RAB3GAP2: variants seen among roughly 807,000 people sequenced by gnomAD.
RAB3GAP2 encodes RAB3 GTPase activating non-catalytic protein subunit 2, also known as rab3 GTPase-activating protein non-catalytic subunit.
In RAB3GAP2, 87 loss-of-function variants were observed where a neutral mutation model predicts 185.3. That is an observed-to-expected ratio of 0.47 (90% CI 0.39 to 0.56). The LOEUF (loss-of-function observed/expected upper bound fraction) is 0.56, where lower values mean the gene tolerates loss of function less well. Ranked by LOEUF, RAB3GAP2 falls within the 20% of genes least tolerant of loss-of-function variation. RAB3GAP2 has a pLI of 0.00. For missense variants in RAB3GAP2, 1,492 were observed against 1,638.2 expected, an observed-to-expected ratio of 0.91 and a Z score of 1.54; for synonymous variants, 554 against 576.1, an observed-to-expected ratio of 0.96 and a Z score of 0.55.
Position 220,171,040 on chromosome 1 carries a change from C to CCAGTACT in RAB3GAP2, c.2651_2657dup (p.Trp886Ter), listed in dbSNP as rs1392391409. ...CCTCCAGCTGTTTCAGAAGGAGTTT[C>CCAGTACT]CAGTACTCAGTGTCAAGAGAAAGTG... is the stretch of plus-strand genomic sequence containing the variant. On this transcript the variant is annotated stop_gained and frameshift_variant, in exon 24 of 35. Transcript: ENST00000358951. LOFTEE classifies it high-confidence loss of function. 6.2e-7 allele frequency: 1 copy of CCAGTACT among 1,614,134 alleles called. No individual in the cohort carries two copies. Among genetic ancestry groups the CCAGTACT allele is most frequent in the Non-Finnish European group, 8.5e-7 (1 of 1,179,986 alleles).
intron 2 of RAB3GAP2, among the ~76,000 whole-genome samples, chr1:220,232,112 A>C (rs1003794168): frequency 6.6e-6 from 1 of 152,224 alleles, no homozygotes; most frequent in Non-Finnish European, 1.5e-5. Context: ...AATGCGTAGA[A>C]TATGGTAGGT....
rs59681037 is a variant in RAB3GAP2 at position 220,213,246 on chromosome 1, C to T, written c.305-278G>A. 0.16 allele frequency among the ~76,000 whole-genome samples: 24,730 copies of T among 152,000 alleles called. 2,310 individuals are homozygous for T. Among genetic ancestry groups the T allele is most frequent in the Admixed American group, 0.24 (3,640 of 15,266 alleles). ...GAATAAAGTTATTAACTCCTATGCC[C>T]ACCCTGCCTAGTTTAAGACTACTTT... is the stretch of plus-strand genomic sequence containing the variant. On this transcript the variant is annotated intron_variant, in intron 3 of 34. Transcript: ENST00000358951.
Position 220,195,084 on chromosome 1 carries a change from G to A in RAB3GAP2, c.1124C>T (p.Ala375Val), listed in dbSNP as rs1414496322. ...GGAAGCATGACAGACTTGCCTTACAGCTAATGGGGTAGCTGGCTCAACCTT... is the reference window on the plus strand; with the variant it reads ...GGAAGCATGACAGACTTGCCTTACAACTAATGGGGTAGCTGGCTCAACCTT... ...KPKVEPATPLAVRFGLPDSRR... is the reference protein window; with the variant it reads ...KPKVEPATPLVVRFGLPDSRR... Residue 375 changes from alanine to valine, a missense_variant, in exon 12 of 35, where the codon GCT (alanine) becomes GTT (valine). Physicochemically the swap from Ala to Val is moderately conservative, Grantham distance 64. Transcript: ENST00000358951. 1.9e-6 allele frequency: 3 copies of A among 1,613,932 alleles called. No individual in the cohort carries two copies. Among genetic ancestry groups the A allele is most frequent in the Non-Finnish European group, 2.5e-6 (3 of 1,179,944 alleles).
At chr1:220,263,924 A>G (rs1249379869) in intron 1 of RAB3GAP2, among the ~76,000 whole-genome samples, 3 of 152,232 alleles carry the variant, frequency 2.0e-5, no homozygotes, top group East Asian at 3.9e-4. Flanking sequence ...CTTGCAAAAA[A>G]TATGTAATTT....
At chr1:220,190,934 G>A (rs1658606391) in intron 14 of RAB3GAP2, 134 bp downstream of exon 14, 9 of 917,702 alleles carry the variant, frequency 9.8e-6, no homozygotes, top group Non-Finnish European at 1.4e-5. Context: ...GCACTCACAG[G>A]AAAAACCACA....
chr1:220,234,179 T>G (rs1056274766), intron 1 of RAB3GAP2, among the ~76,000 whole-genome samples: 1 of 152,182 alleles, frequency 6.6e-6, no homozygotes, highest in Non-Finnish European at 1.5e-5. Context: ...GATAGCATAC[T>G]AAAGTCCTCA....
At chr1:220,268,786 G>A (rs1237182561) in intron 1 of RAB3GAP2, among the ~76,000 whole-genome samples, 1 of 152,128 alleles carries the variant, frequency 6.6e-6, no homozygotes, top group South Asian at 2.1e-4. Context: ...AATTAATCTA[G>A]ATGTTTGGGG....
intron 16 of RAB3GAP2, 89 bp downstream of exon 16, chr1:220,189,975 A>AT: frequency 1.7e-6 from 2 of 1,182,510 alleles, no homozygotes; most frequent in Middle Eastern, 4.0e-4. Context: ...TCATCCATGC[A>AT]TTATTTTGAT....
intron 21 of RAB3GAP2, among the ~76,000 whole-genome samples, chr1:220,180,735 G>A (rs1658387964): frequency 6.6e-6 from 1 of 152,126 alleles, no homozygotes; most frequent in Non-Finnish European, 1.5e-5. Flanking sequence ...ATTCTATGAG[G>A]CCAACATTAC....
chr1:220,261,189 AT>A (rs1660129667), intron 1 of RAB3GAP2, among the ~76,000 whole-genome samples: 1 of 152,202 alleles, frequency 6.6e-6, no homozygotes, highest in Non-Finnish European at 1.5e-5. Flanking sequence ...AAAGTAATCT[AT>A]GTTCAAGGGA....
At chr1:220,193,583 T>C (rs1204980661) in intron 12 of RAB3GAP2, among the ~76,000 whole-genome samples, 1 of 152,204 alleles carries the variant, frequency 6.6e-6, no homozygotes, top group East Asian at 1.9e-4. Flanking sequence ...CACAGTCCTA[T>C]GTAGGTTTTC....
rs528180475 is a variant in RAB3GAP2, at chr1:220,158,831, G to C, written c.3261+555C>G. Among the ~76,000 whole-genome samples the C allele has an allele frequency of 7.2e-5, 11 of 152,178 alleles. No homozygotes were observed. In the East Asian group the frequency reaches 9.7e-4, roughly 13 times the overall value. On this transcript the variant is annotated intron_variant, in intron 29 of 34. Coordinates refer to ENST00000358951, the MANE Select transcript of RAB3GAP2 (RefSeq NM_012414.4). This position sits in a 1 kb window ranked among gnomAD's most constrained non-coding sequence, Gnocchi z 4.3. ...TTTGTGGGTACATGCACACACACAT[G>C]CATGCACACACACGTACACACTCTA...
chr1:220,258,557 C>T (rs1660078736), intron 1 of RAB3GAP2, among the ~76,000 whole-genome samples: 1 of 152,172 alleles, frequency 6.6e-6, no homozygotes. Flanking sequence ...TAAAAACTCT[C>T]AATAAACTAG....
intron 1 of RAB3GAP2, among the ~76,000 whole-genome samples, chr1:220,239,544 T>A (rs192090015): frequency 1.2e-3 from 190 of 152,350 alleles, no homozygotes; most frequent in African/African-American, 4.4e-3. Flanking sequence ...AAATAACTTT[T>A]GTATGTAACA....
rs1452992944 is a variant in RAB3GAP2 at position 220,150,979 on chromosome 1, C to T, written c.*272G>A. ...ATAGCAAAGTTTAACAATAAAGCTA[C>T]TTAAGTGTTTGAATTAGAAATAAAC... On this transcript the variant is annotated 3_prime_UTR_variant, in exon 35 of 35. Transcript: ENST00000358951. 5.0e-6 allele frequency: 2 copies of T among 399,052 alleles called. No individual in the cohort carries two copies. Among genetic ancestry groups the T allele is most frequent in the Non-Finnish European group, 8.9e-6 (2 of 223,998 alleles). The allele number at this position is 399,052 out of a possible 1,614,324, so 24.7% of individuals were successfully genotyped here. A position where few individuals can be genotyped will look rare whatever the true frequency, so the allele number is the denominator to read the frequency against.
intron 8 of RAB3GAP2, among the ~76,000 whole-genome samples, chr1:220,205,682 A>C (rs1381666314): frequency 6.6e-6 from 1 of 152,034 alleles, no homozygotes; most frequent in Non-Finnish European, 1.5e-5. Flanking sequence ...TGCTGACCAC[A>C]CTCTCCAAAG....
rs141093529 is a variant in RAB3GAP2 at position 220,199,689 on chromosome 1, C to T, written c.811+2587G>A. ...TTATTTGACTACCTTAAATCTCTTC[C>T]TCTCCTCCTCCTTATTCTCATTTCA... is the stretch of plus-strand genomic sequence containing the variant. On this transcript the variant is annotated intron_variant, in intron 9 of 34. Transcript: ENST00000358951. Among the ~76,000 whole-genome samples the T allele has an allele frequency of 1.5e-3, 227 of 152,156 alleles. 2 individuals are homozygous for T. Among genetic ancestry groups the T allele is most frequent in the African/African-American group, 5.4e-3 (223 of 41,530 alleles).
chr1:220,182,563 C>G, intron 20 of RAB3GAP2, 155 bp downstream of exon 20: 1 of 1,219,856 alleles, frequency 8.2e-7, no homozygotes, highest in Non-Finnish European at 1.1e-6. Context: ...AACCTGTTGA[C>G]CAGAGTATCT....
intron 17 of RAB3GAP2, among the ~76,000 whole-genome samples, chr1:220,187,555 G>A (rs1332408566): frequency 6.6e-6 from 1 of 152,160 alleles, no homozygotes; most frequent in Non-Finnish European, 1.5e-5. Flanking sequence ...AGAGGAGCTG[G>A]AAGACTGAGT....
Sources: allele counts gnomAD v4.1 joint callset (sites outside exome capture counted in the v4.1 genomes callset), GRCh38; gene constraint gnomAD v4.1.1; non-coding constraint Gnocchi (gnomAD v3.1); transcripts MANE v1.5; gene names NCBI Gene and HGNC (gene_info 2026-07-23, HGNC 2026-07-21).